IL34: variants seen among roughly 807,000 people sequenced by gnomAD.
The protein encoded by IL34 is interleukin-34.
IL34 carries 17 observed loss-of-function variants against 25.3 expected under a neutral mutation model. That is an observed-to-expected ratio of 0.67 (90% CI 0.46 to 1.01). The LOEUF is 1.01. IL34 is among the 50% of genes least tolerant of loss of function. IL34 has a pLI of 0.00. For synonymous variants in IL34, 174 were observed against 140.9 expected, an observed-to-expected ratio of 1.23 and a Z score of -1.66; for missense variants, 368 against 312.9, an observed-to-expected ratio of 1.18 and a Z score of -1.33.
At chr16:70,647,211 A>G (rs961833038) in intron 1 of IL34, among the ~76,000 whole-genome samples, 2 of 152,184 alleles carry the variant, frequency 1.3e-5, no homozygotes, top group Non-Finnish European at 2.9e-5. Flanking sequence ...CATGGTCCTC[A>G]GGGTGGTCTT....
At chr16:70,609,379 T>C (rs1284777668) in intron 1 of IL34, among the ~76,000 whole-genome samples, 1 of 152,220 alleles carries the variant, frequency 6.6e-6, no homozygotes, top group Non-Finnish European at 1.5e-5. Flanking sequence ...ACGCTTGGCC[T>C]GAAAGTGGGA....
upstream of IL34, among the ~76,000 whole-genome samples, chr16:70,643,205 G>T (rs917004869): frequency 1.5e-4 from 23 of 152,114 alleles, no homozygotes; most frequent in African/African-American, 5.3e-4. Flanking sequence ...TGGGATTACA[G>T]GTGCGCACCA....
chr16:70,643,775 C>T (rs2151865723), upstream of IL34, among the ~76,000 whole-genome samples: 1 of 152,142 alleles, frequency 6.6e-6, no homozygotes, highest in African/African-American at 2.4e-5. Context: ...AAAAAATAAC[C>T]AGGGAAAATT....
intron 1 of IL34, among the ~76,000 whole-genome samples, chr16:70,602,994 G>T (rs1006984): frequency 6.6e-6 from 1 of 151,964 alleles, no homozygotes; most frequent in South Asian, 2.1e-4. Context: ...TCTGTGGCCC[G>T]CCAACCCCAG....
At chr16:70,644,827 G>A (rs1310900577), upstream of IL34, among the ~76,000 whole-genome samples, 1 of 146,726 alleles carries the variant, frequency 6.8e-6, no homozygotes, top group Non-Finnish European at 1.5e-5. Context: ...AAGGGAGGAG[G>A]AAGGAGGAAG....
chr16:70,603,367 CCT>C (rs1256087530), intron 1 of IL34, among the ~76,000 whole-genome samples: 1 of 152,118 alleles, frequency 6.6e-6, no homozygotes, highest in Non-Finnish European at 1.5e-5. Flanking sequence ...GCAACCTCCA[CCT>C]CTCGGATTCA....
At chr16:70,597,691 A>G (rs1336372083) in intron 1 of IL34, among the ~76,000 whole-genome samples, 1 of 152,228 alleles carries the variant, frequency 6.6e-6, no homozygotes, top group Non-Finnish European at 1.5e-5. Flanking sequence ...ATGATGATGT[A>G]CACTCTATAC....
intron 4 of IL34, among the ~76,000 whole-genome samples, chr16:70,658,185 C>T (rs2052284499): frequency 6.6e-6 from 1 of 152,150 alleles, no homozygotes; most frequent in Admixed American, 6.5e-5. Context: ...CTGTGAGCTT[C>T]CGACGGTGAA....
chr16:70,649,275 T>A (rs9933834), intron 1 of IL34, among the ~76,000 whole-genome samples: 8 of 152,138 alleles, frequency 5.3e-5, no homozygotes, highest in South Asian at 2.1e-4. Context: ...GCTCGGGGCC[T>A]TTTGCAGTCA....
intron 1 of IL34, among the ~76,000 whole-genome samples, chr16:70,613,551 G>A (rs1300009434): frequency 6.6e-6 from 1 of 152,142 alleles, no homozygotes; most frequent in Admixed American, 6.6e-5. Flanking sequence ...CAGACCAGTG[G>A]TATCTGCAGC....
intron 1 of IL34, among the ~76,000 whole-genome samples, chr16:70,639,115 C>G (rs777816795): frequency 3.9e-5 from 6 of 152,138 alleles, no homozygotes; most frequent in African/African-American, 1.4e-4. Context: ...TTGGGAGATG[C>G]CCTTGGGATA....
At chr16:70,636,948 C>T (rs944684473) in intron 1 of IL34, among the ~76,000 whole-genome samples, 2 of 151,608 alleles carry the variant, frequency 1.3e-5, no homozygotes, top group African/African-American at 2.4e-5. Context: ...GGCGTAATCT[C>T]GGCTCACTGC....
intron 1 of IL34, among the ~76,000 whole-genome samples, chr16:70,618,679 C>T (rs1029759510): frequency 6.6e-6 from 1 of 152,058 alleles, no homozygotes; most frequent in African/African-American, 2.4e-5. Context: ...CTAACCATGC[C>T]TAGGGAGGAA....
intron 1 of IL34, among the ~76,000 whole-genome samples, chr16:70,595,103 C>T (rs533708384): frequency 4.6e-5 from 7 of 151,862 alleles, no homozygotes; most frequent in South Asian, 4.2e-4. Context: ...AACAGGCGCC[C>T]GCCACCACAC....
chr16:70,590,943 C>G (rs1020056090), intron 1 of IL34, among the ~76,000 whole-genome samples: 1 of 152,216 alleles, frequency 6.6e-6, no homozygotes, highest in Non-Finnish European at 1.5e-5. Context: ...TGCGCTGCCC[C>G]TCCCTCTGGC....
At chr16:70,642,789 C>T (rs947057123), upstream of IL34, among the ~76,000 whole-genome samples, 1 of 152,246 alleles carries the variant, frequency 6.6e-6, no homozygotes, top group African/African-American at 2.4e-5. Flanking sequence ...ACCCTGAAAA[C>T]ATGCTAAGTG....
At chr16:70,588,977 G>T (rs1212373467) in intron 1 of IL34, among the ~76,000 whole-genome samples, 1 of 152,098 alleles carries the variant, frequency 6.6e-6, no homozygotes, top group Admixed American at 6.6e-5. Flanking sequence ...GGTGGTGATG[G>T]TAACACAATA....
At position 70,660,053 on chromosome 16, in the gene IL34, T is replaced by G. The variant is rs1395465133; in HGVS notation, c.595T>G (p.Cys199Gly). ...CTGTGAGGTGCCAAGTCCTCAGTCTTGCAGCCCAGAGCCCTCATTGCAGTA... is the reference window on the plus strand; with the variant it reads ...CTGTGAGGTGCCAAGTCCTCAGTCTGGCAGCCCAGAGCCCTCATTGCAGTA... ...QDCEVPSPQSCSPEPSLQYAA... is the reference protein window; with the variant it reads ...QDCEVPSPQSGSPEPSLQYAA... The change falls in exon 6 of 6, where the codon TGC becomes GGC. Residue 199 changes from cysteine to glycine, a missense_variant. Coordinates refer to ENST00000288098, the MANE Select transcript of IL34 (RefSeq NM_001393494.1). 3 of 1,613,318 alleles carry G rather than the reference T, an allele frequency of 1.9e-6. No individual in the cohort carries two copies. The highest frequency in any genetic ancestry group is 2.7e-5 in the African/African-American group (2 of 74,892).
chr16:70,608,380 T>G (rs1264395065), intron 1 of IL34, among the ~76,000 whole-genome samples: 2 of 151,394 alleles, frequency 1.3e-5, no homozygotes, highest in Non-Finnish European at 2.9e-5. Flanking sequence ...CCACCCGCCT[T>G]GGCCTCCCAA....
Sources: allele counts gnomAD v4.1 joint callset (sites outside exome capture counted in the v4.1 genomes callset), GRCh38; gene constraint gnomAD v4.1.1; transcripts MANE v1.5; gene names NCBI Gene and HGNC (gene_info 2026-07-23, HGNC 2026-07-21).